Variants in FBXW2 observed in about 807,000 individuals in gnomAD.
FBXW2 encodes F-box/WD repeat-containing protein 2.
Under a neutral mutation model 46.0 loss-of-function variants are expected in FBXW2, and 12 were observed. That is an observed-to-expected ratio of 0.26 (90% CI 0.17 to 0.42). FBXW2 has a LOEUF of 0.42. Ranked by LOEUF, FBXW2 falls within the 10% of genes least tolerant of loss-of-function variation. The probability of loss-of-function intolerance (pLI) is 1.00; values close to 1 mark genes in which losing one functional copy is unlikely to be tolerated. For missense variants in FBXW2, 360 were observed against 537.0 expected (o/e 0.67, Z 3.26); for synonymous variants, 203 against 209.6 (o/e 0.97, Z 0.27).
chr9:120,792,935 C>T, intron 2 of FBXW2: 1 of 1,532,048 alleles, frequency 6.5e-7, no homozygotes, highest in Non-Finnish European at 8.7e-7. Context: ...GCGCTTTGTA[C>T]TTCATAAACC....
At chr9:120,776,249 G>A in intron 4 of FBXW2, 23 bp from the exon 5 acceptor site, 8 of 1,607,578 alleles carry the variant, frequency 5.0e-6, no homozygotes, top group Non-Finnish European at 5.9e-6. Context: ...ATTACACAAA[G>A]TTAAAACATG....
chr9:120,771,178 A>G (rs2044367998), intron 7 of FBXW2, among the ~76,000 whole-genome samples, 170 bp downstream of exon 7: 1 of 152,156 alleles, frequency 6.6e-6, no homozygotes. Flanking sequence ...CCTCTAAAAT[A>G]TTTTTCCTGT....
Position 120,792,243 on chromosome 9 carries a change from TA to T in FBXW2, c.-21+905del, listed in dbSNP as rs564283644. Among the ~76,000 whole-genome samples the T allele has an allele frequency of 8.5e-5, 13 of 152,280 alleles. No homozygotes were observed. The East Asian group carries it at 2.3e-3, about 27-fold the overall frequency. On this transcript the variant is annotated intron_variant, in intron 2 of 7. Coordinates refer to ENST00000608872, the MANE Select transcript of FBXW2 (RefSeq NM_012164.4). ...AGACAGGACCTTCTGGAAAACAGTG[TA>T]AATGTGTTTTCCCCTCCTCCTCTAT...
At chr9:120,771,046 A>G (rs981895891) in intron 7 of FBXW2, among the ~76,000 whole-genome samples, 1 of 152,242 alleles carries the variant, frequency 6.6e-6, no homozygotes, top group Non-Finnish European at 1.5e-5. Context: ...GAGATCTGAA[A>G]GATCTTTTCA....
At chr9:120,781,014 G>A (rs963169691) in intron 3 of FBXW2, among the ~76,000 whole-genome samples, 4 of 149,586 alleles carry the variant, frequency 2.7e-5, no homozygotes, top group Admixed American at 2.7e-4. Flanking sequence ...GTATAGGACT[G>A]TTTCAAGAAA....
intron 7 of FBXW2, among the ~76,000 whole-genome samples, chr9:120,765,147 T>A (rs2044253084): frequency 6.7e-6 from 1 of 149,892 alleles, no homozygotes; most frequent in Admixed American, 6.7e-5. Flanking sequence ...CACACTGGAG[T>A]ACAGGGGCGT....
chr9:120,758,980 T>A lies in FBXW2; in HGVS notation c.*5579A>T, dbSNP rs1163671431. ...ATTATTTCCTTGTGTTTTACCTTTA[T>A]TGTTTTGCTTTTTGGATCACCTTCA... On this transcript the variant is annotated 3_prime_UTR_variant, in exon 8 of 8. Coordinates refer to ENST00000608872, the MANE Select transcript of FBXW2 (RefSeq NM_012164.4). 3 of 152,246 alleles carry A rather than the reference T, an allele frequency of 2.0e-5. 1 individual carries two copies. Among genetic ancestry groups the A allele is most frequent in the Non-Finnish European group, 4.4e-5 (3 of 68,040 alleles). 9.4% of individuals were successfully genotyped at this position (152,246 alleles called of 1,614,324 possible). A position where few individuals can be genotyped will look rare whatever the true frequency, so the allele number is the denominator to read the frequency against.
At position 120,764,365 on chromosome 9, in the gene FBXW2, G is replaced by A. The variant is rs967883963; in HGVS notation, c.*194C>T. The stretch of plus-strand genomic sequence containing the variant: ...ATGGTGTACCCCATTAGCATGCTGC[G>A]TTGTATGTCAATAAAACAAGCCCTC... On this transcript the variant is annotated 3_prime_UTR_variant, in exon 8 of 8. Coordinates refer to ENST00000608872, the MANE Select transcript of FBXW2 (RefSeq NM_012164.4). The A allele has an allele frequency of 6.1e-5, 36 of 593,866 alleles. No individual in the cohort carries two copies. The highest frequency in any genetic ancestry group is 9.5e-5 in the Non-Finnish European group (32 of 335,814). 36.8% of individuals were successfully genotyped at this position (593,866 alleles called of 1,614,324 possible).
At chr9:120,788,998 G>C (rs1357150052) in intron 2 of FBXW2, among the ~76,000 whole-genome samples, 3 of 152,140 alleles carry the variant, frequency 2.0e-5, no homozygotes, top group Admixed American at 1.3e-4. Context: ...ATATGAGCTA[G>C]TGACAACTCT....
At chr9:120,771,883 AC>A (rs1468091870) in intron 6 of FBXW2, among the ~76,000 whole-genome samples, 1 of 150,350 alleles carries the variant, frequency 6.7e-6, no homozygotes, top group East Asian at 2.0e-4. Context: ...ACATGGTGAA[AC>A]CCTGTCTCTA....
intron 2 of FBXW2, among the ~76,000 whole-genome samples, chr9:120,790,275 G>C (rs1357076497): frequency 6.6e-6 from 1 of 152,150 alleles, no homozygotes; most frequent in African/African-American, 2.4e-5. Flanking sequence ...ACGAGGTCAG[G>C]AGATCGAGAT....
chr9:120,789,626 T>G (rs911250377), intron 2 of FBXW2, among the ~76,000 whole-genome samples: 1 of 152,210 alleles, frequency 6.6e-6, no homozygotes, highest in Non-Finnish European at 1.5e-5. Flanking sequence ...ACTGTCATAT[T>G]AATTTTAAAA....
Position 120,759,927 on chromosome 9 carries a change from AC to A in FBXW2, c.*4631del, listed in dbSNP as rs1168460217. 3 of 152,258 alleles carry A rather than the reference AC, an allele frequency of 2.0e-5. No individual in the cohort carries two copies. Among genetic ancestry groups the A allele is most frequent in the Non-Finnish European group, 2.9e-5 (2 of 68,050 alleles). 9.4% of individuals were successfully genotyped at this position (152,258 alleles called of 1,614,324 possible). ...TTAGGCTGATGGGAATGGTGCAAAG[AC>A]TACTCAGTAATCCATTTGAGGATTT... On this transcript the variant is annotated 3_prime_UTR_variant, in exon 8 of 8. Coordinates refer to ENST00000608872, the MANE Select transcript of FBXW2 (RefSeq NM_012164.4).
At position 120,764,736 on chromosome 9, in the gene FBXW2, G is replaced by T; in HGVS notation, c.1188C>A (p.Ser396Arg). The T allele has an allele frequency of 6.2e-7, 1 of 1,614,190 alleles. No individual in the cohort carries two copies. The highest frequency in any genetic ancestry group is 1.3e-5 in the African/African-American group (1 of 75,032). Residue 396 changes from serine to arginine, a missense_variant, in exon 8 of 8, where the codon AGC becomes AGA. By Grantham distance (110) the Ser-to-Arg change is moderately radical (BLOSUM62 -1). Coordinates refer to ENST00000608872, the MANE Select transcript of FBXW2 (RefSeq NM_012164.4). ...CTGGCAGAGGCCAGCGACTAATCAG[G>T]CTCTCTGTCCGCAAGTCCATGATGT... is the stretch of plus-strand genomic sequence containing the variant. ...YLYIMDLRTE[S>R]LISRWPLPEY...
intron 3 of FBXW2, among the ~76,000 whole-genome samples, chr9:120,779,062 T>C (rs1376382164): frequency 1.3e-5 from 2 of 152,204 alleles, no homozygotes; most frequent in African/African-American, 4.8e-5. Flanking sequence ...AAAAGCTAAC[T>C]GCTAATTGCT....
intron 2 of FBXW2, chr9:120,792,794 G>T: frequency 9.2e-7 from 1 of 1,086,474 alleles, no homozygotes; most frequent in Non-Finnish European, 1.3e-6. Flanking sequence ...TACTCGGCAC[G>T]CTGTAAGCCT....
intron 2 of FBXW2, among the ~76,000 whole-genome samples, chr9:120,792,105 G>A (rs1402425556): frequency 2.6e-5 from 4 of 152,170 alleles, no homozygotes; most frequent in African/African-American, 9.7e-5. Flanking sequence ...ACATTAATGA[G>A]GAAATTTACG....
Position 120,787,435 on chromosome 9 carries a change from A to G in FBXW2, c.490+334T>C, listed in dbSNP as rs958316824. 8.5e-5 allele frequency among the ~76,000 whole-genome samples: 13 copies of G among 152,222 alleles called. No individual in the cohort carries two copies. In the South Asian group the frequency reaches 2.1e-3, roughly 24 times the overall value. ...ATTTTTCCACTGTTTTTTTCCTCAA[A>G]TATCAGTGCCAACAGAAAAAGAAAC... On this transcript the variant is annotated intron_variant, in intron 3 of 7. Coordinates refer to ENST00000608872, the MANE Select transcript of FBXW2 (RefSeq NM_012164.4).
rs920480415 is a variant in FBXW2 at position 120,758,682 on chromosome 9, C to T, written c.*5877G>A. The T allele has an allele frequency of 6.6e-6, 1 of 152,228 alleles. No individual in the cohort carries two copies. Among genetic ancestry groups the T allele is most frequent in the Admixed American group, 6.5e-5 (1 of 15,288 alleles). 9.4% of individuals were successfully genotyped at this position (152,228 alleles called of 1,614,324 possible). A position where few individuals can be genotyped will look rare whatever the true frequency, so the allele number is the denominator to read the frequency against. Reference sequence around the variant, plus strand: ...ACTATAACTCCTCTAGGCAATGAATCACTTTACCAAGCCACAGCTTTCTCA... The same window carrying T: ...ACTATAACTCCTCTAGGCAATGAATTACTTTACCAAGCCACAGCTTTCTCA... On this transcript the variant is annotated 3_prime_UTR_variant, in exon 8 of 8. Transcript: ENST00000608872.
Sources: allele counts gnomAD v4.1 joint callset (sites outside exome capture counted in the v4.1 genomes callset), GRCh38; gene constraint gnomAD v4.1.1; transcripts MANE v1.5; gene names NCBI Gene and HGNC (gene_info 2026-07-23, HGNC 2026-07-21).